Variants in ANO3 observed in about 807,000 individuals in gnomAD.
The protein encoded by ANO3 is anoctamin-3.
In ANO3, 99 loss-of-function variants were observed where a neutral mutation model predicts 144.8. That is an observed-to-expected ratio of 0.68 (90% CI 0.58 to 0.81). The LOEUF is 0.81. ANO3 is among the 30% of genes least tolerant of loss of function. The pLI, the probability that ANO3 is intolerant of heterozygous loss-of-function variation, is 0.00. For synonymous variants in ANO3, 414 were observed against 392.6 expected, an observed-to-expected ratio of 1.05 and a Z score of -0.64; for missense variants, 905 against 1,202.2, an observed-to-expected ratio of 0.75 and a Z score of 3.66.
intron 1 of ANO3, among the ~76,000 whole-genome samples, chr11:26,431,821 T>G (rs1018704430): frequency 6.6e-6 from 1 of 152,228 alleles, no homozygotes; most frequent in African/African-American, 2.4e-5. Flanking sequence ...AACATTTAAT[T>G]TGATTCATTG....
At chr11:26,374,414 C>T (rs1475707946) in intron 1 of ANO3, among the ~76,000 whole-genome samples, 2 of 152,062 alleles carry the variant, frequency 1.3e-5, no homozygotes, top group African/African-American at 2.4e-5. Context: ...TTACTGAACA[C>T]GTGTTTTCTT....
intron 1 of ANO3, among the ~76,000 whole-genome samples, chr11:26,418,720 A>G (rs1285957098): frequency 3.3e-5 from 5 of 151,350 alleles, no homozygotes; most frequent in East Asian, 1.9e-4. Context: ...GCGCGCACAC[A>G]CACACACTGT....
intron 1 of ANO3, among the ~76,000 whole-genome samples, chr11:26,397,465 GTTGT>G (rs1857044691): frequency 6.6e-6 from 1 of 152,028 alleles, no homozygotes; most frequent in Non-Finnish European, 1.5e-5. Context: ...CTCTGAGAAA[GTTGT>G]TTGTTTCATA....
At chr11:26,310,346 G>A (rs1854477547) in intron 1 of ANO3, among the ~76,000 whole-genome samples, 1 of 152,120 alleles carries the variant, frequency 6.6e-6, no homozygotes, top group South Asian at 2.1e-4. Context: ...GGTTAACTGA[G>A]TTAATCAATT....
intron 1 of ANO3, among the ~76,000 whole-genome samples, chr11:26,365,908 T>G (rs892791369): frequency 1.3e-5 from 2 of 151,088 alleles, no homozygotes; most frequent in Admixed American, 6.6e-5. Flanking sequence ...TAGTGAGTAC[T>G]TAATCCACAG....
intron 9 of ANO3, among the ~76,000 whole-genome samples, chr11:26,536,848 CTCAG>C (rs1385979590): frequency 1.3e-5 from 2 of 152,044 alleles, no homozygotes; most frequent in African/African-American, 4.8e-5. Flanking sequence ...CAGTTGCTCA[CTCAG>C]TATCTGTTCT....
intron 1 of ANO3, among the ~76,000 whole-genome samples, chr11:26,353,603 G>C (rs957957235): frequency 2.0e-5 from 3 of 151,716 alleles, no homozygotes; most frequent in Non-Finnish European, 2.9e-5. Context: ...ATGGAATCTC[G>C]CTGTCGCCAG....
At chr11:26,615,394 TTA>T (rs201511864) in intron 17 of ANO3, among the ~76,000 whole-genome samples, 5,002 of 128,830 alleles carry the variant, frequency 0.039, 118 homozygotes, top group East Asian at 0.1. Flanking sequence ...TTCTGTCAGT[TTA>T]TATATATATA....
intron 1 of ANO3, among the ~76,000 whole-genome samples, chr11:26,241,216 G>A (rs1031912268): frequency 6.6e-6 from 1 of 152,016 alleles, no homozygotes; most frequent in Non-Finnish European, 1.5e-5. Flanking sequence ...CCCCAGCCAC[G>A]TGGAACTGTA....
intron 1 of ANO3, among the ~76,000 whole-genome samples, chr11:26,226,685 C>T (rs1426995778): frequency 6.6e-6 from 1 of 152,006 alleles, no homozygotes; most frequent in Non-Finnish European, 1.5e-5. Flanking sequence ...TTAATAACTC[C>T]TGTTTTTCAA....
chr11:26,650,441 G>A (rs901452441), intron 24 of ANO3, among the ~76,000 whole-genome samples: 1 of 129,014 alleles, frequency 7.8e-6, no homozygotes, highest in Non-Finnish European at 1.7e-5. Context: ...TCCTTCAGGG[G>A]TCCATGAAGT....
At chr11:26,648,774 A>G (rs766018810) in intron 24 of ANO3, among the ~76,000 whole-genome samples, 1 of 152,162 alleles carries the variant, frequency 6.6e-6, no homozygotes, top group Admixed American at 6.5e-5. Flanking sequence ...TTAGGTGTGG[A>G]AGAAGCGACA....
At chr11:26,459,928 C>T in intron 3 of ANO3, 1 of 289,440 alleles carries the variant, frequency 3.5e-6, no homozygotes, top group South Asian at 3.0e-5. Context: ...CCTGCTAACA[C>T]AGATTTTCTT....
At chr11:26,629,776 C>T (rs144860300) in intron 18 of ANO3, among the ~76,000 whole-genome samples, 3,538 of 152,076 alleles carry the variant, frequency 0.023, 135 homozygotes, top group African/African-American at 0.076. Flanking sequence ...GGATTACAGG[C>T]GTGCACCTCC....
chr11:26,254,529 C>G (rs1262179940), intron 1 of ANO3, among the ~76,000 whole-genome samples: 1 of 152,076 alleles, frequency 6.6e-6, no homozygotes, highest in Non-Finnish European at 1.5e-5. Flanking sequence ...GCATTTGTTT[C>G]TTTCTGATGC....
intron 18 of ANO3, among the ~76,000 whole-genome samples, chr11:26,626,401 A>C (rs948808980): frequency 6.6e-6 from 1 of 152,190 alleles, no homozygotes; most frequent in Non-Finnish European, 1.5e-5. Flanking sequence ...TCCAATGGAG[A>C]GCTCTAGAAC....
intron 4 of ANO3, among the ~76,000 whole-genome samples, chr11:26,504,843 G>C (rs293947): frequency 0.94 from 143,217 of 151,616 alleles, 67,862 homozygotes; most frequent in East Asian, 1. Flanking sequence ...AACCCCATCT[G>C]TACTAAAGAT....
chr11:26,390,362 T>C (rs1360438047), intron 1 of ANO3, among the ~76,000 whole-genome samples: 2 of 152,238 alleles, frequency 1.3e-5, no homozygotes, highest in African/African-American at 4.8e-5. Flanking sequence ...TAATTTATTC[T>C]ATTTTATTGG....
chr11:26,574,174 A>C lies in ANO3; in HGVS notation c.1447+14395A>C, dbSNP rs1276082615. 2.0e-5 allele frequency among the ~76,000 whole-genome samples: 3 copies of C among 152,210 alleles called. No homozygotes were observed. The East Asian group carries it at 5.8e-4, about 29-fold the overall frequency. ...ATCTGGCACTCACCAATTGCTTTAC[A>C]CTCATTAATTACGTTTCACAATACA... On this transcript the variant is annotated intron_variant, in intron 14 of 26. Coordinates refer to ENST00000256737, the MANE Select transcript of ANO3 (RefSeq NM_031418.4).
Sources: allele counts gnomAD v4.1 joint callset (sites outside exome capture counted in the v4.1 genomes callset), GRCh38; gene constraint gnomAD v4.1.1; transcripts MANE v1.5; gene names NCBI Gene and HGNC (gene_info 2026-07-23, HGNC 2026-07-21).